Variants in HNRNPA1L2 observed in about 807,000 individuals in gnomAD.
HNRNPA1L2 encodes heterogeneous nuclear ribonucleoprotein A1-like 2.
In HNRNPA1L2, 10 loss-of-function variants were observed where a neutral mutation model predicts 18.2. The observed-to-expected ratio is 0.55, with a 90% CI of 0.34 to 0.93. The LOEUF (loss-of-function observed/expected upper bound fraction) is 0.93, where lower values mean the gene tolerates loss of function less well. Among genes scored for constraint, HNRNPA1L2 ranks in the 40% least tolerant of loss-of-function variants. HNRNPA1L2 has a pLI of 0.02. For missense variants in HNRNPA1L2, 308 were observed against 394.4 expected (o/e 0.78, Z 1.85); for synonymous variants, 124 against 138.6 (o/e 0.89, Z 0.74).
At chr13:52,627,641 G>T in the HNRNPA1L2 span, 1 of 152,468 alleles carries the variant, frequency 6.6e-6, no homozygotes. Context: ...TTTTCATGTG[G>T]CTAGTAAGTA....
chr13:52,623,857 G>A, the HNRNPA1L2 span, among the ~76,000 whole-genome samples: 1 of 152,184 alleles, frequency 6.6e-6, no homozygotes, highest in Admixed American at 6.5e-5. Flanking sequence ...ACACAGCGGG[G>A]AAGGCCAGTC....
At chr13:52,618,600 T>C in the HNRNPA1L2 span, among the ~76,000 whole-genome samples, 1 of 152,210 alleles carries the variant, frequency 6.6e-6, no homozygotes, top group African/African-American at 2.4e-5. Context: ...TGGAGGATTA[T>C]GGTATCCTTA....
the HNRNPA1L2 span, among the ~76,000 whole-genome samples, chr13:52,628,116 C>T: frequency 1.3e-5 from 2 of 152,088 alleles, no homozygotes; most frequent in Admixed American, 1.3e-4. Context: ...CTGTTATTCC[C>T]AATGAGCGTG....
chr13:52,630,019 T>C, the HNRNPA1L2 span, among the ~76,000 whole-genome samples: 1 of 152,084 alleles, frequency 6.6e-6, no homozygotes, highest in African/African-American at 2.4e-5. Context: ...ATCTGGGAGG[T>C]GGAGGTTGCA....
rs368740236 is a variant in HNRNPA1L2, at chr13:52,642,649, C to T, written c.157C>T (p.Arg53Cys). The change falls in exon 1 of 1, where the codon CGC (arginine) becomes TGC (cysteine). Residue 53 changes from arginine (R) to cysteine (C), a missense_variant. Coordinates refer to ENST00000357495, the MANE Select transcript of HNRNPA1L2 (RefSeq NM_001389320.1). ...GGTAATGAGAGATCCAAACACCAAG[C>T]GCTCCAGGGGCTTTGGGTTTGTCAC... is the stretch of plus-strand genomic sequence containing the variant. ...CVVMRDPNTK[R>C]SRGFGFVTYA... 158 of 1,611,440 alleles carry T rather than the reference C, an allele frequency of 9.8e-5. No individual in the cohort carries two copies. Among genetic ancestry groups the T allele is most frequent in the Non-Finnish European group, 1.2e-4 (138 of 1,179,854 alleles).
chr13:52,641,093 A>G (rs995874511), upstream of HNRNPA1L2: 46 of 152,204 alleles, frequency 3.0e-4, 1 homozygote, highest in African/African-American at 8.4e-4. Context: ...TTACATCTTG[A>G]CTCTCTGTAG....
In HNRNPA1L2 at chr13:52,642,526, C is replaced by T. The variant is rs144498772; in HGVS notation, c.34C>T (p.Gln12Ter). The change falls in exon 1 of 1, where the codon CAG (glutamine) becomes TAG (stop). Residue 12 changes from glutamine to a stop codon, truncating the protein, a stop_gained. Transcript: ENST00000357495. LOFTEE classifies it high-confidence loss of function. Reference protein sequence around the residue: ...SKSASPKEPEQLRKLFIGGLS... With the variant: ...SKSASPKEPE Reference sequence around the variant, plus strand: ...GTCAGCGTCTCCAAAAGAGCCCGAACAGCTGAGGAAGCTCTTCATTGGAGG... The same window carrying T: ...GTCAGCGTCTCCAAAAGAGCCCGAATAGCTGAGGAAGCTCTTCATTGGAGG... The T allele has an allele frequency of 1.2e-6, 2 of 1,611,904 alleles. No homozygotes were observed. The highest frequency in any genetic ancestry group is 1.7e-5 in the Admixed American group (1 of 60,000).
the HNRNPA1L2 span, among the ~76,000 whole-genome samples, chr13:52,626,974 G>A: frequency 6.6e-6 from 1 of 152,090 alleles, no homozygotes; most frequent in Non-Finnish European, 1.5e-5. Context: ...TAATATCTGT[G>A]AGAATCATTC....
the HNRNPA1L2 span, among the ~76,000 whole-genome samples, chr13:52,634,381 T>A: frequency 2.6e-5 from 4 of 152,204 alleles, no homozygotes; most frequent in African/African-American, 9.7e-5. Context: ...CAAGAAGGCA[T>A]TTAAATTTTA....
At chr13:52,620,720 C>T in the HNRNPA1L2 span, among the ~76,000 whole-genome samples, 1 of 152,086 alleles carries the variant, frequency 6.6e-6, no homozygotes, top group Non-Finnish European at 1.5e-5. Context: ...CCAGGAGTTC[C>T]TGTGCAACAT....
upstream of HNRNPA1L2, chr13:52,642,427 T>C: frequency 6.3e-7 from 1 of 1,587,048 alleles, no homozygotes; most frequent in Non-Finnish European, 8.6e-7. Flanking sequence ...AGATCTCTGG[T>C]GGACTTTTTC....
the HNRNPA1L2 span, among the ~76,000 whole-genome samples, chr13:52,628,781 C>T: frequency 6.6e-6 from 1 of 152,152 alleles, no homozygotes; most frequent in Non-Finnish European, 1.5e-5. Context: ...ACTTTGTATG[C>T]TGTATAATTA....
chr13:52,637,689 T>A (rs951884727), upstream of HNRNPA1L2, among the ~76,000 whole-genome samples: 2 of 152,142 alleles, frequency 1.3e-5, no homozygotes, highest in African/African-American at 4.8e-5. Context: ...AAGAAAATGA[T>A]CAACATAACG....
chr13:52,643,082 G>A lies in HNRNPA1L2; in HGVS notation c.590G>A (p.Arg197Lys). The A allele has an allele frequency of 1.3e-6, 2 of 1,597,736 alleles. No homozygotes were observed. Among genetic ancestry groups the A allele is most frequent in the Non-Finnish European group, 1.7e-6 (2 of 1,179,800 alleles). Residue 197 changes from arginine to lysine, a missense_variant, in exon 1 of 1, where the codon AGG becomes AAG. Arg to Lys is a conservative substitution (Grantham distance 26). Transcript: ENST00000357495. ...GCTTCATCCAGCCAAAGAGGTCGAAGGGGTTCTGGAAACTTTGGTGGTGGT... is the reference window on the plus strand; with the variant it reads ...GCTTCATCCAGCCAAAGAGGTCGAAAGGGTTCTGGAAACTTTGGTGGTGGT... ...ASASSSQRGRRGSGNFGGGRG... is the reference protein window; with the variant it reads ...ASASSSQRGRKGSGNFGGGRG...
At chr13:52,631,711 G>A in the HNRNPA1L2 span, among the ~76,000 whole-genome samples, 7 of 152,116 alleles carry the variant, frequency 4.6e-5, no homozygotes, top group South Asian at 4.1e-4. Flanking sequence ...TTTAAAATTA[G>A]CCCTCCAGTT....
the HNRNPA1L2 span, among the ~76,000 whole-genome samples, chr13:52,633,405 A>G: frequency 3.9e-5 from 6 of 152,298 alleles, no homozygotes; most frequent in East Asian, 1.2e-3. Context: ...TTTTAAGTCT[A>G]AAAGAGAAAT....
At chr13:52,631,496 C>G in the HNRNPA1L2 span, among the ~76,000 whole-genome samples, 1 of 152,086 alleles carries the variant, frequency 6.6e-6, no homozygotes, top group Non-Finnish European at 1.5e-5. Flanking sequence ...ACCGGACGTT[C>G]GGTTGAGAAA....
chr13:52,625,681 T>G, the HNRNPA1L2 span, among the ~76,000 whole-genome samples: 1 of 152,242 alleles, frequency 6.6e-6, no homozygotes, highest in African/African-American at 2.4e-5. Context: ...TACAAGTGGT[T>G]TATGAAAGAA....
chr13:52,637,978 A>T (rs74087370), upstream of HNRNPA1L2, among the ~76,000 whole-genome samples: 2,095 of 152,314 alleles, frequency 0.014, 47 homozygotes, highest in African/African-American at 0.048. Context: ...TCCCAGCATT[A>T]TCAGATTCTA....
Sources: allele counts gnomAD v4.1 joint callset (sites outside exome capture counted in the v4.1 genomes callset), GRCh38; gene constraint gnomAD v4.1.1; transcripts MANE v1.5; gene names NCBI Gene and HGNC (gene_info 2026-07-23, HGNC 2026-07-21).